The following SSBP2 variants were observed in gnomAD, a reference collection of about 807,000 sequenced individuals.
SSBP2 encodes single stranded DNA binding protein 2, also known as single-stranded DNA-binding protein 2.
Under a neutral mutation model 61.8 loss-of-function variants are expected in SSBP2, and 17 were observed. That is an observed-to-expected ratio of 0.28 (90% CI 0.19 to 0.41). The LOEUF (loss-of-function observed/expected upper bound fraction) is 0.41. SSBP2 is among the 10% of genes least tolerant of loss of function. The pLI is 1.00. For missense variants in SSBP2, 310 were observed against 458.7 expected, an observed-to-expected ratio of 0.68 and a Z score of 2.96; for synonymous variants, 139 against 141.3, an observed-to-expected ratio of 0.98 and a Z score of 0.12.
At chr5:81,656,119 T>C (rs1039860212) in intron 1 of SSBP2, among the ~76,000 whole-genome samples, 1 of 152,166 alleles carries the variant, frequency 6.6e-6, no homozygotes, top group Non-Finnish European at 1.5e-5. Flanking sequence ...TGGCGCGATC[T>C]TGGCTCACTG....
intron 12 of SSBP2, among the ~76,000 whole-genome samples, chr5:81,445,832 G>A (rs1224792857): frequency 1.3e-5 from 2 of 152,106 alleles, no homozygotes; most frequent in Middle Eastern, 6.8e-3. Context: ...TCATCCCAAA[G>A]TAATAACTGA....
intron 5 of SSBP2, among the ~76,000 whole-genome samples, chr5:81,510,314 A>G (rs780193855): frequency 4.6e-5 from 7 of 152,174 alleles, no homozygotes; most frequent in Non-Finnish European, 1.0e-4. Context: ...AGAAAATGGT[A>G]CCTACATCTG....
intron 1 of SSBP2, among the ~76,000 whole-genome samples, chr5:81,722,921 A>G (rs934710853): frequency 1.3e-5 from 2 of 152,012 alleles, no homozygotes; most frequent in African/African-American, 4.8e-5. Flanking sequence ...CCTGATTTAT[A>G]TCTAGCACAA....
rs543958342 is a variant in SSBP2, at chr5:81,592,508, T to C, written c.282+22965A>G. On this transcript the variant is annotated intron_variant, in intron 4 of 16. Transcript: ENST00000320672. The stretch of plus-strand genomic sequence containing the variant: ...GAAGAGAGTAGTGGTTCTCCCAGCA[T>C]GCAGCTTGAGATCTGAGAATGGGCA... Among the ~76,000 whole-genome samples the C allele has an allele frequency of 7.0e-3, 1,062 of 152,072 alleles. 12 individuals are homozygous for C. The highest frequency in any genetic ancestry group is 0.02 in the African/African-American group (836 of 41,350).
intron 16 of SSBP2, among the ~76,000 whole-genome samples, chr5:81,425,654 A>C (rs1244108889): frequency 6.6e-6 from 1 of 152,132 alleles, no homozygotes; most frequent in East Asian, 1.9e-4. Context: ...TTTCCAAAAC[A>C]AACATTTTAC....
At chr5:81,654,957 C>G (rs1167202882) in intron 1 of SSBP2, among the ~76,000 whole-genome samples, 2 of 151,690 alleles carry the variant, frequency 1.3e-5, no homozygotes, top group African/African-American at 2.4e-5. Flanking sequence ...GGCAACACAG[C>G]AAAACCCCAT....
intron 1 of SSBP2, among the ~76,000 whole-genome samples, chr5:81,691,475 C>T (rs1015578877): frequency 7.9e-5 from 12 of 151,892 alleles, no homozygotes; most frequent in Non-Finnish European, 1.5e-4. Flanking sequence ...CCAAATTCCC[C>T]TAGATACACA....
At chr5:81,725,584 A>G (rs1755823761) in intron 1 of SSBP2, among the ~76,000 whole-genome samples, 1 of 152,320 alleles carries the variant, frequency 6.6e-6, no homozygotes, top group South Asian at 2.1e-4. Flanking sequence ...TGTCTGTGGT[A>G]GCAGAATATT....
At chr5:81,593,358 C>T (rs959763197) in intron 4 of SSBP2, among the ~76,000 whole-genome samples, 4 of 152,282 alleles carry the variant, frequency 2.6e-5, no homozygotes, top group African/African-American at 7.2e-5. Flanking sequence ...ACCAAATCTA[C>T]GTCTGATTGG....
chr5:81,651,694 G>T (rs1301680836), intron 1 of SSBP2, among the ~76,000 whole-genome samples: 4 of 152,104 alleles, frequency 2.6e-5, no homozygotes, highest in African/African-American at 7.2e-5. Flanking sequence ...TCTCCCTGTG[G>T]AAGTGTGGCT....
chr5:81,537,793 C>T (rs2154113719), intron 4 of SSBP2, among the ~76,000 whole-genome samples: 1 of 152,218 alleles, frequency 6.6e-6, no homozygotes, highest in South Asian at 2.1e-4. Flanking sequence ...ACTGGCTGTT[C>T]CCCATCTCTG....
chr5:81,508,499 C>CA (rs1298908023), intron 5 of SSBP2, among the ~76,000 whole-genome samples: 4 of 152,168 alleles, frequency 2.6e-5, no homozygotes, highest in African/African-American at 9.7e-5. Flanking sequence ...GCAACAGAGG[C>CA]TCTCTCATTT....
Position 81,470,402 on chromosome 5 carries a change from C to A in SSBP2, c.570+3298G>T, listed in dbSNP as rs115398465. 5.8e-3 allele frequency among the ~76,000 whole-genome samples: 880 copies of A among 151,764 alleles called. 6 individuals are homozygous for A. Among genetic ancestry groups the A allele is most frequent in the African/African-American group, 0.02 (821 of 41,462 alleles). On this transcript the variant is annotated intron_variant, in intron 8 of 16. Transcript: ENST00000320672. ...TCACTTTAAAAATAATGTACCACCA[C>A]TGTATTTAGATTTAAAATAGATTAA...
chr5:81,451,179 T>C (rs1763742156), intron 10 of SSBP2, among the ~76,000 whole-genome samples: 1 of 152,208 alleles, frequency 6.6e-6, no homozygotes, highest in South Asian at 2.1e-4. Context: ...CAATGGACTC[T>C]TGTGAGCTGG....
At chr5:81,737,312 A>G (rs2154008131) in intron 1 of SSBP2, among the ~76,000 whole-genome samples, 1 of 147,214 alleles carries the variant, frequency 6.8e-6, no homozygotes, top group African/African-American at 2.6e-5. Context: ...AAAAAAAAAA[A>G]AAGTATGTCC....
At chr5:81,744,995 CTATAAT>C (rs1010432274) in intron 1 of SSBP2, among the ~76,000 whole-genome samples, 10 of 152,044 alleles carry the variant, frequency 6.6e-5, no homozygotes, top group African/African-American at 2.2e-4. Flanking sequence ...ATTTTTGGTC[CTATAAT>C]TATAAGAAAA....
chr5:81,581,704 G>A (rs1415950828), intron 4 of SSBP2, among the ~76,000 whole-genome samples: 1 of 152,090 alleles, frequency 6.6e-6, no homozygotes, highest in Non-Finnish European at 1.5e-5. Context: ...AGGAAGAATA[G>A]TCTTGTTCTC....
At chr5:81,577,734 A>C (rs1490198481) in intron 4 of SSBP2, among the ~76,000 whole-genome samples, 1 of 152,048 alleles carries the variant, frequency 6.6e-6, no homozygotes, top group African/African-American at 2.4e-5. Flanking sequence ...GCAAAAAAAA[A>C]AGTATAGTAA....
intron 5 of SSBP2, among the ~76,000 whole-genome samples, chr5:81,498,434 C>T (rs1767452204): frequency 6.6e-6 from 1 of 152,030 alleles, no homozygotes; most frequent in African/African-American, 2.4e-5. Context: ...CTATTTGAAA[C>T]AGTGTTGAAT....
Sources: allele counts gnomAD v4.1 joint callset (sites outside exome capture counted in the v4.1 genomes callset), GRCh38; gene constraint gnomAD v4.1.1; transcripts MANE v1.5; gene names NCBI Gene and HGNC (gene_info 2026-07-23, HGNC 2026-07-21).